SCIN: variants seen among roughly 807,000 people sequenced by gnomAD.
SCIN encodes adseverin.
SCIN carries 91 observed loss-of-function variants against 91.8 expected under a neutral mutation model. The observed-to-expected ratio is 0.99, with a 90% CI of 0.84 to 1.18. SCIN has a LOEUF of 1.18. Among genes scored for constraint, SCIN ranks in the 50% most tolerant of loss-of-function variants. SCIN has a pLI of 0.00. For missense variants in SCIN, 1,087 were observed against 863.9 expected (o/e 1.26, Z -3.24); for synonymous variants, 367 against 312.6 (o/e 1.17, Z -1.84).
chr7:12,599,673 C>T (rs1201226403), intron 3 of SCIN, among the ~76,000 whole-genome samples: 1 of 152,062 alleles, frequency 6.6e-6, no homozygotes, highest in Non-Finnish European at 1.5e-5. Context: ...CACACCCACA[C>T]CAACATCTGT....
intron 8 of SCIN, among the ~76,000 whole-genome samples, chr7:12,627,138 A>T (rs4457219): frequency 0.028 from 4,333 of 152,158 alleles, 67 homozygotes; most frequent in Non-Finnish European, 0.043. Flanking sequence ...ATACACATAT[A>T]TCTGTGTGTA....
At chr7:12,577,835 A>G in intron 1 of SCIN, 1 of 483,322 alleles carries the variant, frequency 2.1e-6, no homozygotes, top group Non-Finnish European at 3.7e-6. Context: ...CAGGCTTAGC[A>G]ACAGAGCAAC....
In SCIN at chr7:12,656,129, G is replaced by A. The variant is rs188562650; in HGVS notation, c.*3414G>A. 6.6e-6 allele frequency: 1 copy of A among 152,296 alleles called. No individual in the cohort carries two copies. The highest frequency in any genetic ancestry group is 1.5e-5 in the Non-Finnish European group (1 of 68,038). The allele number at this position is 152,296 out of a possible 1,614,324, so 9.4% of individuals were successfully genotyped here. On this transcript the variant is annotated 3_prime_UTR_variant, in exon 16 of 16. Transcript: ENST00000297029. ...ACTTATTTCTAGCAGTTCTGGTAAA[G>A]AGAATGGCCTTCACATTGTATTTTG...
chr7:12,620,867 A>G (rs775419122), intron 4 of SCIN, among the ~76,000 whole-genome samples: 5 of 152,136 alleles, frequency 3.3e-5, no homozygotes, highest in Non-Finnish European at 7.4e-5. Flanking sequence ...AGGAGCTCCA[A>G]ACTTGCAAGA....
intron 3 of SCIN, chr7:12,596,411 C>G (rs531272121): frequency 2.2e-6 from 1 of 455,312 alleles, no homozygotes; most frequent in South Asian, 1.6e-5. Context: ...TGTCTGCATT[C>G]ACTTTAGTGC....
At position 12,594,286 on chromosome 7, in the gene SCIN, G is replaced by C. The variant is rs112028832; in HGVS notation, c.517-10228G>C. Among the ~76,000 whole-genome samples the C allele has an allele frequency of 8.8e-3, 1,340 of 152,108 alleles. 17 individuals are homozygous for C. The highest frequency in any genetic ancestry group is 0.031 in the African/African-American group (1,303 of 41,476). ...GTCGAGGAGGGAGAAAATCCACGGG[G>C]TCAAAGGAAGAGGAGTCATCGGCTG... On this transcript the variant is annotated intron_variant, in intron 3 of 15. Coordinates refer to ENST00000297029, the MANE Select transcript of SCIN (RefSeq NM_001112706.3).
At chr7:12,583,794 T>C (rs758313748) in intron 3 of SCIN, among the ~76,000 whole-genome samples, 17 of 152,166 alleles carry the variant, frequency 1.1e-4, no homozygotes, top group African/African-American at 2.9e-4. Context: ...GTTCACGTAA[T>C]AGGGACAGAG....
intron 1 of SCIN, chr7:12,577,770 C>T (rs1782404963): frequency 5.0e-6 from 2 of 403,388 alleles, no homozygotes; most frequent in Non-Finnish European, 9.3e-6. Context: ...GTAGGAGGAT[C>T]GCTTAAGCCC....
At chr7:12,645,850 G>A (rs544091511) in intron 13 of SCIN, among the ~76,000 whole-genome samples, 1 of 152,180 alleles carries the variant, frequency 6.6e-6, no homozygotes, top group African/African-American at 2.4e-5. Context: ...GTTCTTAAAA[G>A]TACTAGCTAC....
intron 13 of SCIN, among the ~76,000 whole-genome samples, chr7:12,646,184 A>G (rs1783962116): frequency 2.0e-5 from 3 of 152,226 alleles, no homozygotes; most frequent in Non-Finnish European, 4.4e-5. Flanking sequence ...AATTAGAAGT[A>G]TGTGTATGCA....
At chr7:12,605,310 A>G (rs1783055866) in intron 4 of SCIN, among the ~76,000 whole-genome samples, 1 of 152,062 alleles carries the variant, frequency 6.6e-6, no homozygotes. Context: ...TGGCCTCCCA[A>G]AGTGCTGGGA....
intron 3 of SCIN, among the ~76,000 whole-genome samples, chr7:12,601,527 C>T (rs113349986): frequency 4.6e-5 from 7 of 152,274 alleles, no homozygotes; most frequent in African/African-American, 1.7e-4. Context: ...GTTGTGAAAA[C>T]CAAGCACAGT....
At chr7:12,631,657 C>G (rs1236247886) in intron 9 of SCIN, among the ~76,000 whole-genome samples, 1 of 152,190 alleles carries the variant, frequency 6.6e-6, no homozygotes, top group Non-Finnish European at 1.5e-5. Flanking sequence ...CCTCAGGAGT[C>G]TGCAGAGTCT....
chr7:12,601,068 A>G (rs1224730265), intron 3 of SCIN, among the ~76,000 whole-genome samples: 1 of 152,210 alleles, frequency 6.6e-6, no homozygotes, highest in Non-Finnish European at 1.5e-5. Context: ...GACCATACTA[A>G]ATAACTGCAT....
At chr7:12,591,890 C>A (rs915781228) in intron 3 of SCIN, among the ~76,000 whole-genome samples, 8 of 152,046 alleles carry the variant, frequency 5.3e-5, no homozygotes, top group African/African-American at 1.9e-4. Flanking sequence ...GGGGGAGACC[C>A]TATACCCTTT....
chr7:12,580,990 C>T (rs1474223150), intron 2 of SCIN, 70 bp from the exon 3 acceptor site: 13 of 1,473,250 alleles, frequency 8.8e-6, no homozygotes, highest in Non-Finnish European at 2.7e-6. Context: ...TTGTGCTTTG[C>T]TTTGTCTAGG....
At chr7:12,644,768 C>CT (rs1424533362) in intron 13 of SCIN, 63 bp downstream of exon 13, 128 of 1,508,770 alleles carry the variant, frequency 8.5e-5, no homozygotes, top group Middle Eastern at 1.7e-4. Context: ...GTAATCCCAG[C>CT]ACTTTGGGAG....
chr7:12,648,238 A>T (rs950674181), intron 13 of SCIN, among the ~76,000 whole-genome samples: 7 of 150,806 alleles, frequency 4.6e-5, no homozygotes, highest in Admixed American at 6.6e-5. Flanking sequence ...ATGTCATCTT[A>T]TTGAAATTTT....
intron 7 of SCIN, 113 bp downstream of exon 7, chr7:12,625,963 T>G (rs1302035532): frequency 1.5e-6 from 1 of 649,378 alleles, no homozygotes; most frequent in African/African-American, 1.9e-5. Flanking sequence ...TGTGAAGTGA[T>G]TCTCCACCTG....
Sources: gnomAD v4.1 joint callset for allele counts (sites outside exome capture counted in the v4.1 genomes callset) on GRCh38, gnomAD v4.1.1 for gene constraint, MANE v1.5 for transcripts, NCBI Gene and HGNC (gene_info 2026-07-23, HGNC 2026-07-21) for gene names.